The following PAPSS1 variants were observed in gnomAD, a reference collection of about 807,000 sequenced individuals.
The protein encoded by PAPSS1 is bifunctional 3'-phosphoadenosine 5'-phosphosulfate synthase 1.
In PAPSS1, 50 loss-of-function variants were observed where a neutral mutation model predicts 72.0. The ratio of observed to expected loss-of-function variants is 0.69; its 90% CI spans 0.55 to 0.88. PAPSS1 has a LOEUF of 0.88. PAPSS1 is among the 40% of genes least tolerant of loss of function. The pLI is 0.00. For synonymous variants in PAPSS1, 261 were observed against 263.6 expected (o/e 0.99, Z 0.09); for missense variants, 657 against 782.2 (o/e 0.84, Z 1.91).
chr4:107,676,765 C>T (rs1415204456), intron 5 of PAPSS1, among the ~76,000 whole-genome samples: 19 of 152,258 alleles, frequency 1.2e-4, no homozygotes, highest in South Asian at 4.1e-4. Context: ...GGAGGCATCA[C>T]ACTACCTGAC....
At chr4:107,685,789 C>CCATTTT (rs1722768196) in intron 4 of PAPSS1, among the ~76,000 whole-genome samples, 1 of 152,182 alleles carries the variant, frequency 6.6e-6, no homozygotes, top group Non-Finnish European at 1.5e-5. Context: ...AGAATAACTA[C>CCATTTT]CATTTTCCTT....
At chr4:107,678,629 T>G (rs896293310) in intron 5 of PAPSS1, among the ~76,000 whole-genome samples, 3 of 152,120 alleles carry the variant, frequency 2.0e-5, no homozygotes, top group Non-Finnish European at 1.5e-5. Flanking sequence ...TTTTAAAGGC[T>G]GAGTGTAGAC....
In PAPSS1 at chr4:107,687,030, A is replaced by G; in HGVS notation, c.550+9T>C. On this transcript the variant is annotated intron_variant, in intron 4 of 11. Coordinates refer to ENST00000265174, the MANE Select transcript of PAPSS1 (RefSeq NM_005443.5). ...AGCAAAGTGAAACTGGGAAGAAAAT[A>G]TTACTGACCTTTAATTTCTCCTGCC... 1.9e-6 allele frequency: 3 copies of G among 1,596,398 alleles called. No individual in the cohort carries two copies. The highest frequency in any genetic ancestry group is 1.8e-5 in the Admixed American group (1 of 55,030).
chr4:107,714,341 G>A (rs1464662073), intron 1 of PAPSS1, among the ~76,000 whole-genome samples: 1 of 151,966 alleles, frequency 6.6e-6, no homozygotes, highest in Non-Finnish European at 1.5e-5. Flanking sequence ...CTCCCCTACG[G>A]CAAAACTCCA....
At chr4:107,644,666 AG>A in intron 10 of PAPSS1, 135 bp downstream of exon 10, 2 of 787,386 alleles carry the variant, frequency 2.5e-6, no homozygotes, top group Non-Finnish European at 3.8e-6. Context: ...CCTAACGAGC[AG>A]GAAAGAATGT....
chr4:107,719,005 G>C (rs1723705560), intron 1 of PAPSS1, among the ~76,000 whole-genome samples: 1 of 152,182 alleles, frequency 6.6e-6, no homozygotes, highest in African/African-American at 2.4e-5. Flanking sequence ...TGGGATGAGA[G>C]ACCAGGCCAG....
intron 1 of PAPSS1, among the ~76,000 whole-genome samples, chr4:107,706,063 T>C (rs1723333803): frequency 6.6e-6 from 1 of 152,250 alleles, no homozygotes; most frequent in Admixed American, 6.5e-5. Flanking sequence ...GTGATTTGCT[T>C]TTCTCTAGCT....
intron 11 of PAPSS1, 27 bp from the exon 12 acceptor site, chr4:107,614,414 A>C (rs1432150982): frequency 6.4e-7 from 1 of 1,569,450 alleles, no homozygotes; most frequent in Non-Finnish European, 8.7e-7. Flanking sequence ...AAAGAAAATT[A>C]TTTCATAATT....
intron 5 of PAPSS1, among the ~76,000 whole-genome samples, chr4:107,661,412 T>C (rs1727178438): frequency 6.6e-6 from 1 of 152,206 alleles, no homozygotes; most frequent in African/African-American, 2.4e-5. Flanking sequence ...AGCAGCTCTA[T>C]TCAGAATTGC....
intron 4 of PAPSS1, 35 bp downstream of exon 4, chr4:107,687,004 A>T (rs761569619): frequency 1.3e-6 from 2 of 1,582,318 alleles, no homozygotes; most frequent in South Asian, 2.3e-5. Context: ...TAAAATATCT[A>T]AGCAAAGTGA....
At position 107,713,716 on chromosome 4, in the gene PAPSS1, C is replaced by T. The variant is rs575746598; in HGVS notation, c.60+6404G>A. On this transcript the variant is annotated intron_variant, in intron 1 of 11. Transcript: ENST00000265174. ...GAGGTTGCCGTGAGCCAAGGTCATA[C>T]CACTGCACTCTAGTCTGGCAACAGA... Among the ~76,000 whole-genome samples, 31 of 151,134 alleles carry T rather than the reference C, an allele frequency of 2.1e-4. No individual in the cohort carries two copies. In the South Asian group the frequency reaches 5.8e-3, roughly 29 times the overall value.
chr4:107,715,895 A>AT (rs1723626765), intron 1 of PAPSS1, among the ~76,000 whole-genome samples: 1 of 152,220 alleles, frequency 6.6e-6, no homozygotes, highest in East Asian at 1.9e-4. Context: ...ACTATGAGTT[A>AT]TGTTTTATTA....
chr4:107,664,383 G>A (rs1727263120), intron 5 of PAPSS1, among the ~76,000 whole-genome samples: 1 of 152,100 alleles, frequency 6.6e-6, no homozygotes, highest in Non-Finnish European at 1.5e-5. Context: ...ATTTTTACTG[G>A]CTACAACAAG....
chr4:107,673,432 G>A (rs1018935823), intron 5 of PAPSS1, among the ~76,000 whole-genome samples: 3 of 152,132 alleles, frequency 2.0e-5, no homozygotes, highest in Non-Finnish European at 2.9e-5. Flanking sequence ...CTCAGTAGCC[G>A]ATTCGATCAA....
intron 1 of PAPSS1, among the ~76,000 whole-genome samples, chr4:107,701,938 T>C (rs763451458): frequency 1.3e-5 from 2 of 148,556 alleles, no homozygotes; most frequent in African/African-American, 2.5e-5. Context: ...AAAAGTGGAA[T>C]GTACTGGTTA....
intron 7 of PAPSS1, 151 bp from the exon 8 acceptor site, chr4:107,655,051 C>T (rs947313409): frequency 2.2e-5 from 10 of 460,504 alleles, no homozygotes; most frequent in African/African-American, 6.4e-5. Context: ...CACAGAAAAA[C>T]GAAAGACAGA....
chr4:107,675,924 A>T (rs1727631074), intron 5 of PAPSS1, among the ~76,000 whole-genome samples: 1 of 152,200 alleles, frequency 6.6e-6, no homozygotes, highest in South Asian at 2.1e-4. Context: ...ACAGAACCAA[A>T]GACAAAAACC....
chr4:107,720,041 G>T, intron 1 of PAPSS1, 79 bp downstream of exon 1: 1 of 1,495,948 alleles, frequency 6.7e-7, no homozygotes. Flanking sequence ...GAGGAGGCGG[G>T]AGAGAGGCGG....
intron 5 of PAPSS1, among the ~76,000 whole-genome samples, chr4:107,680,812 A>G (rs375088498): frequency 6.6e-6 from 1 of 152,130 alleles, no homozygotes; most frequent in African/African-American, 2.4e-5. Flanking sequence ...TTAAAAAGAA[A>G]CCTAGAAGGC....
Sources: allele counts gnomAD v4.1 joint callset (sites outside exome capture counted in the v4.1 genomes callset), GRCh38; gene constraint gnomAD v4.1.1; transcripts MANE v1.5; gene names NCBI Gene and HGNC (gene_info 2026-07-23, HGNC 2026-07-21).